ZNF445: variants seen among roughly 807,000 people sequenced by gnomAD.
The protein encoded by ZNF445 is zinc finger protein 445.
A neutral mutation model predicts 93.9 loss-of-function variants in ZNF445; 19 were observed. That is an observed-to-expected ratio of 0.20 (90% CI 0.14 to 0.30). The LOEUF is 0.30. Among genes scored for constraint, ZNF445 ranks in the 10% least tolerant of loss-of-function variants. The pLI, the probability that ZNF445 is intolerant of heterozygous loss-of-function variation, is 1.00. For synonymous variants in ZNF445, 449 were observed against 446.3 expected (o/e 1.01, Z -0.08); for missense variants, 1,058 against 1,259.4 (o/e 0.84, Z 2.42).
At chr3:44,470,693 C>G (rs1259417844) in intron 1 of ZNF445, among the ~76,000 whole-genome samples, 1 of 152,176 alleles carries the variant, frequency 6.6e-6, no homozygotes, top group Non-Finnish European at 1.5e-5. Context: ...GATGAAAGGG[C>G]TCTCCTTCCT....
chr3:44,446,450 T>C lies in ZNF445; in HGVS notation c.*125A>G. The C allele has an allele frequency of 1.4e-6, 2 of 1,414,380 alleles. No homozygotes were observed. Among genetic ancestry groups the C allele is most frequent in the Non-Finnish European group, 1.9e-6 (2 of 1,046,398 alleles). The allele number at this position is 1,414,380 out of a possible 1,614,324, so 87.6% of individuals were successfully genotyped here. A position where few individuals can be genotyped will look rare whatever the true frequency, so the allele number is the denominator to read the frequency against. The stretch of plus-strand genomic sequence containing the variant: ...CCGAGCTTTCAAATCCTTGGGATTC[T>C]GTCACTAGCTTCCAAAACAGAAAGG... On this transcript the variant is annotated 3_prime_UTR_variant, in exon 8 of 8. Coordinates refer to ENST00000396077, the MANE Select transcript of ZNF445 (RefSeq NM_181489.6). The surrounding 1 kb of genome is among the most constrained non-coding windows in gnomAD (Gnocchi z 4.2).
At chr3:44,472,270 C>T (rs1169269636) in intron 1 of ZNF445, among the ~76,000 whole-genome samples, 2 of 152,238 alleles carry the variant, frequency 1.3e-5, no homozygotes, top group Admixed American at 6.5e-5. Flanking sequence ...GTCAAATTAG[C>T]TCCAAAAATA....
rs767631470 is a variant in ZNF445 at position 44,448,016 on chromosome 3, C to T, written c.1655G>A (p.Arg552His). The change falls in exon 8 of 8, where the codon CGC (arginine) becomes CAC (histidine). Residue 552 changes from arginine (R) to histidine (H), a missense_variant. Arg to His is a conservative substitution (Grantham distance 29). This residue lies in a region of ZNF445 where 657 missense variants were observed against 746.4 expected (regional missense o/e 0.88). Transcript: ENST00000396077. ...KCDLCEKAFR[R>H]LSAYRLHRET... ...TCGGTGCAGACGGTAGGCTGACAGG[C>T]GTCGGAAAGCTTTCTCACATAAATC... The T allele has an allele frequency of 1.9e-6, 3 of 1,611,088 alleles. No homozygotes were observed. Among genetic ancestry groups the T allele is most frequent in the South Asian group, 1.1e-5 (1 of 91,054 alleles).
intron 1 of ZNF445, among the ~76,000 whole-genome samples, chr3:44,476,039 A>G (rs1167852342): frequency 6.6e-6 from 1 of 152,204 alleles, no homozygotes; most frequent in East Asian, 1.9e-4. Context: ...AAAAGAAAAT[A>G]AATTTAAGAA....
intron 1 of ZNF445, among the ~76,000 whole-genome samples, chr3:44,460,642 C>T (rs1247660094): frequency 6.6e-6 from 1 of 152,198 alleles, no homozygotes; most frequent in Non-Finnish European, 1.5e-5. Context: ...CCAATCAGCA[C>T]TCCTGGCTCA....
intron 1 of ZNF445, among the ~76,000 whole-genome samples, chr3:44,472,657 C>T (rs960040626): frequency 6.6e-6 from 1 of 152,198 alleles, no homozygotes; most frequent in Non-Finnish European, 1.5e-5. Flanking sequence ...CCTCACGGGC[C>T]TCTCAAACTC....
At position 44,448,608 on chromosome 3, in the gene ZNF445, A is replaced by G. The variant is rs1366063184; in HGVS notation, c.1063T>C (p.Phe355Leu). 1 of 1,614,048 alleles carries G rather than the reference A, an allele frequency of 6.2e-7. No individual in the cohort carries two copies. The highest frequency in any genetic ancestry group is 8.5e-7 in the Non-Finnish European group (1 of 1,180,056). Residue 355 changes from phenylalanine (F) to leucine (L), a missense_variant, in exon 8 of 8, where the codon TTT becomes CTT. Coordinates refer to ENST00000396077, the MANE Select transcript of ZNF445 (RefSeq NM_181489.6). ...TCCTTCTGCCTGCTCTTCTGTTGAA[A>G]AGATTCTCTGAGCCCAATTCCCTCA... is the stretch of plus-strand genomic sequence containing the variant. The part of the protein sequence containing the change: ...VSEGIGLRES[F>L]QQKSRQKDQC...
Position 44,443,281 on chromosome 3 carries a change from T to G in ZNF445, c.*3294A>C, listed in dbSNP as rs546569306. ...AGCACCAAGTAGTCAGGCTTCTACTTTTTTTCCTTTCAGCTAATCTGAATT... is the reference window on the plus strand; with the variant it reads ...AGCACCAAGTAGTCAGGCTTCTACTGTTTTTCCTTTCAGCTAATCTGAATT... On this transcript the variant is annotated 3_prime_UTR_variant, in exon 8 of 8. Coordinates refer to ENST00000396077, the MANE Select transcript of ZNF445 (RefSeq NM_181489.6). 1 of 152,172 alleles carries G rather than the reference T, an allele frequency of 6.6e-6. No individual in the cohort carries two copies. The highest frequency in any genetic ancestry group is 1.5e-5 in the Non-Finnish European group (1 of 68,040). The allele number at this position is 152,172 out of a possible 1,614,324, so 9.4% of individuals were successfully genotyped here. A position where few individuals can be genotyped will look rare whatever the true frequency, so the allele number is the denominator to read the frequency against.
At chr3:44,477,162 A>G (rs1187186001) in intron 1 of ZNF445, among the ~76,000 whole-genome samples, 1 of 152,226 alleles carries the variant, frequency 6.6e-6, no homozygotes, top group African/African-American at 2.4e-5. Context: ...AAAAAGCAAG[A>G]GCACGCTCTC....
In ZNF445 at chr3:44,438,170, T is replaced by C. The variant is rs1697728022; in HGVS notation, c.*8405A>G. On this transcript the variant is annotated 3_prime_UTR_variant, in exon 8 of 8. Transcript: ENST00000396077. Reference sequence around the variant, plus strand: ...CATTTTGCACTTCACTTTTTTTTTTTTTTAATTGAGACAAAGTTTCACTCT... The same window carrying C: ...CATTTTGCACTTCACTTTTTTTTTTCTTTAATTGAGACAAAGTTTCACTCT... 6.6e-6 allele frequency: 1 copy of C among 152,130 alleles called. No homozygotes were observed. Among genetic ancestry groups the C allele is most frequent in the Non-Finnish European group, 1.5e-5 (1 of 68,034 alleles). The allele number at this position is 152,130 out of a possible 1,614,324, so 9.4% of individuals were successfully genotyped here. A position where few individuals can be genotyped will look rare whatever the true frequency, so the allele number is the denominator to read the frequency against.
At chr3:44,461,360 T>C (rs1384792518) in intron 1 of ZNF445, among the ~76,000 whole-genome samples, 1 of 130,524 alleles carries the variant, frequency 7.7e-6, no homozygotes, top group Non-Finnish European at 1.7e-5. Context: ...CGAGGAGGTT[T>C]CTCAGACCGA....
chr3:44,476,233 T>C (rs1698350198), intron 1 of ZNF445, among the ~76,000 whole-genome samples: 1 of 152,218 alleles, frequency 6.6e-6, no homozygotes, highest in South Asian at 2.1e-4. Flanking sequence ...GCACTAATTC[T>C]TCCTGGATAC....
rs1375856443 is a variant in ZNF445, at chr3:44,433,738, G to A, written c.*12837C>T. 3 of 152,378 alleles carry A rather than the reference G, an allele frequency of 2.0e-5. No homozygotes were observed. In the East Asian group the frequency reaches 5.8e-4, roughly 29 times the overall value. 9.4% of individuals were successfully genotyped at this position (152,378 alleles called of 1,614,324 possible). Reference sequence around the variant, plus strand: ...ATGGCAAAAGCATCTCCATCAGGCAGGACTGGCTTCACAGGCAGGCAGCCT... The same window carrying A: ...ATGGCAAAAGCATCTCCATCAGGCAAGACTGGCTTCACAGGCAGGCAGCCT... On this transcript the variant is annotated 3_prime_UTR_variant, in exon 8 of 8. Transcript: ENST00000396077.
rs1181185701 is a variant in ZNF445, at chr3:44,450,971, G to A, written c.599-9C>T. The stretch of plus-strand genomic sequence containing the variant: ...CTGGGCAGCAGGAGTATCTGAAGGA[G>A]AAAAAGCCATGAGAGAGCGGCTCAG... On this transcript the variant is annotated splice_polypyrimidine_tract_variant and intron_variant, in intron 4 of 7. Transcript: ENST00000396077. 3 of 1,572,942 alleles carry A rather than the reference G, an allele frequency of 1.9e-6. No individual in the cohort carries two copies. Among genetic ancestry groups the A allele is most frequent in the Non-Finnish European group, 2.6e-6 (3 of 1,160,858 alleles).
Position 44,450,509 on chromosome 3 carries a change from G to A in ZNF445, c.758C>T (p.Ser253Phe). 6.2e-7 allele frequency: 1 copy of A among 1,614,174 alleles called. No individual in the cohort carries two copies. The highest frequency in any genetic ancestry group is 8.5e-7 in the Non-Finnish European group (1 of 1,180,032). Residue 253 changes from serine to phenylalanine, a missense_variant, in exon 6 of 8, where the codon TCT becomes TTT. Around this residue, in one of 3 missense-constraint regions of ZNF445, gnomAD observed 657 missense variants for 746.4 expected, o/e 0.88. Transcript: ENST00000396077. ...FSQDEWGWLDSAQRNLYRDVM... is the reference protein window; with the variant it reads ...FSQDEWGWLDFAQRNLYRDVM... Reference sequence around the variant, plus strand: ...ATCCCTGTACAGGTTCCTCTGAGCAGAGTCCAGCCACCCCCACTCGTCCTG... The same window carrying A: ...ATCCCTGTACAGGTTCCTCTGAGCAAAGTCCAGCCACCCCCACTCGTCCTG...
In ZNF445 at chr3:44,445,300, C is replaced by T. The variant is rs1226150276; in HGVS notation, c.*1275G>A. ...TGATTTATGGGAACTGGCAGCAAGG[C>T]TAACTGCATGAGAAGCCTTTCACCC... On this transcript the variant is annotated 3_prime_UTR_variant, in exon 8 of 8. Coordinates refer to ENST00000396077, the MANE Select transcript of ZNF445 (RefSeq NM_181489.6). 2 of 152,244 alleles carry T rather than the reference C, an allele frequency of 1.3e-5. No individual in the cohort carries two copies. Among genetic ancestry groups the T allele is most frequent in the Non-Finnish European group, 1.5e-5 (1 of 68,068 alleles). 9.4% of individuals were successfully genotyped at this position (152,244 alleles called of 1,614,324 possible). A position where few individuals can be genotyped will look rare whatever the true frequency, so the allele number is the denominator to read the frequency against.
chr3:44,466,027 T>C (rs1216818289), intron 1 of ZNF445, among the ~76,000 whole-genome samples: 2 of 152,184 alleles, frequency 1.3e-5, no homozygotes, highest in African/African-American at 4.8e-5. Context: ...TTTTAATTAA[T>C]GTTAAAAGAT....
intron 1 of ZNF445, among the ~76,000 whole-genome samples, chr3:44,458,751 T>C (rs1698066369): frequency 1.3e-5 from 2 of 152,122 alleles, no homozygotes; most frequent in Admixed American, 6.6e-5. Context: ...AAACTAAAAA[T>C]ATATAGTCAT....
Position 44,446,446 on chromosome 3 carries a change from A to C in ZNF445, c.*129T>G, listed in dbSNP as rs1697878668. 1.4e-6 allele frequency: 2 copies of C among 1,388,582 alleles called. No individual in the cohort carries two copies. Among genetic ancestry groups the C allele is most frequent in the African/African-American group, 2.9e-5 (2 of 68,842 alleles). The allele number at this position is 1,388,582 out of a possible 1,614,324, so 86.0% of individuals were successfully genotyped here. On this transcript the variant is annotated 3_prime_UTR_variant, in exon 8 of 8. Coordinates refer to ENST00000396077, the MANE Select transcript of ZNF445 (RefSeq NM_181489.6). The surrounding 1 kb of genome is among the most constrained non-coding windows in gnomAD (Gnocchi z 4.2). ...CTCCCCGAGCTTTCAAATCCTTGGG[A>C]TTCTGTCACTAGCTTCCAAAACAGA...
Sources: gnomAD v4.1 joint callset for allele counts (sites outside exome capture counted in the v4.1 genomes callset) on GRCh38, gnomAD v4.1.1 for gene constraint, gnomAD v4.1.1 regional missense constraint, Gnocchi (gnomAD v3.1) non-coding constraint, MANE v1.5 for transcripts, NCBI Gene and HGNC (gene_info 2026-07-23, HGNC 2026-07-21) for gene names.